The following USH1C variants were observed in gnomAD, a reference collection of about 807,000 sequenced individuals.
The protein encoded by USH1C is harmonin.
USH1C carries 90 observed loss-of-function variants against 119.3 expected under a neutral mutation model. The ratio of observed to expected loss-of-function variants is 0.75; its 90% CI spans 0.64 to 0.90. The LOEUF is 0.90. Ranked by LOEUF, USH1C falls within the 40% of genes least tolerant of loss-of-function variation. The probability of loss-of-function intolerance (pLI) is 0.00; values close to 1 mark genes in which losing one functional copy is unlikely to be tolerated. For missense variants in USH1C, 1,165 were observed against 1,167.7 expected, an observed-to-expected ratio of 1.00 and a Z score of 0.03; for synonymous variants, 465 against 443.3, an observed-to-expected ratio of 1.05 and a Z score of -0.62.
At chr11:17,535,628 T>G (rs953322314) in intron 1 of USH1C, among the ~76,000 whole-genome samples, 2 of 152,150 alleles carry the variant, frequency 1.3e-5, no homozygotes, top group African/African-American at 4.8e-5. Context: ...TGAATGAATT[T>G]ATCTGCCTGC....
In USH1C at chr11:17,493,975, G is replaced by A. The variant is rs561636317; in HGVS notation, c.*357C>T. 8.0e-6 allele frequency: 3 copies of A among 376,818 alleles called. No homozygotes were observed. Among genetic ancestry groups the A allele is most frequent in the East Asian group, 1.1e-4 (2 of 17,544 alleles). 23.3% of individuals were successfully genotyped at this position (376,818 alleles called of 1,614,324 possible). On this transcript the variant is annotated 3_prime_UTR_variant, in exon 27 of 27. Coordinates refer to ENST00000005226, the MANE Select transcript of USH1C (RefSeq NM_153676.4). ...CAATCCTGGCAGCAATTAGAGCAGAGGGCAGAGGAGAGGGATGGAGAGAGA... is the reference window on the plus strand; with the variant it reads ...CAATCCTGGCAGCAATTAGAGCAGAAGGCAGAGGAGAGGGATGGAGAGAGA...
chr11:17,513,281 C>T (rs957046329), intron 15 of USH1C, among the ~76,000 whole-genome samples: 2 of 152,158 alleles, frequency 1.3e-5, no homozygotes, highest in Admixed American at 6.5e-5. Flanking sequence ...GCAGAGACAG[C>T]CCACACCCTG....
intron 20 of USH1C, among the ~76,000 whole-genome samples, chr11:17,504,352 T>C (rs768529845): frequency 6.6e-6 from 1 of 152,098 alleles, no homozygotes. Flanking sequence ...CCTCTGAGGG[T>C]TCCTTCTGCC....
intron 1 of USH1C, among the ~76,000 whole-genome samples, chr11:17,539,557 CTAAGTGACAA>C (rs1851369099): frequency 6.6e-6 from 1 of 152,120 alleles, no homozygotes; most frequent in Non-Finnish European, 1.5e-5. Flanking sequence ...TTACATAAAA[CTAAGTGACAA>C]TAAGTGGACA....
In USH1C at chr11:17,521,387, C is replaced by G. The variant is rs769136040; in HGVS notation, c.1044G>C (p.Lys348Asn). ...ERQRRKEIAQKAAEENERYRK... is the reference protein window; with the variant it reads ...ERQRRKEIAQNAAEENERYRK... The stretch of plus-strand genomic sequence containing the variant: ...GGTATCTCTCATTTTCCTCTGCTGC[C>G]TTCTGGGCAATTTCTTTTCTCCTTC... Residue 348 changes from lysine (K) to asparagine (N), a missense_variant, in exon 13 of 27, where the codon AAG becomes AAC. Transcript: ENST00000005226. 2 of 1,614,162 alleles carry G rather than the reference C, an allele frequency of 1.2e-6. No individual in the cohort carries two copies. The highest frequency in any genetic ancestry group is 4.5e-5 in the East Asian group (2 of 44,886).
chr11:17,493,975 G>C lies in USH1C; in HGVS notation c.*357C>G, dbSNP rs561636317. The C allele has an allele frequency of 2.7e-6, 1 of 376,818 alleles. No homozygotes were observed. The highest frequency in any genetic ancestry group is 5.1e-6 in the Non-Finnish European group (1 of 197,874). The allele number at this position is 376,818 out of a possible 1,614,324, so 23.3% of individuals were successfully genotyped here. Reference sequence around the variant, plus strand: ...CAATCCTGGCAGCAATTAGAGCAGAGGGCAGAGGAGAGGGATGGAGAGAGA... The same window carrying C: ...CAATCCTGGCAGCAATTAGAGCAGACGGCAGAGGAGAGGGATGGAGAGAGA... On this transcript the variant is annotated 3_prime_UTR_variant, in exon 27 of 27. Coordinates refer to ENST00000005226, the MANE Select transcript of USH1C (RefSeq NM_153676.4).
intron 20 of USH1C, 93 bp from the exon 21 acceptor site, chr11:17,502,073 G>A (rs2133788920): frequency 1.3e-5 from 18 of 1,384,854 alleles, no homozygotes; most frequent in East Asian, 2.3e-5. Context: ...GAATCCAAGG[G>A]TCAGAAGTGA....
intron 8 of USH1C, among the ~76,000 whole-genome samples, chr11:17,525,129 C>A (rs1850605811): frequency 6.6e-6 from 1 of 151,908 alleles, no homozygotes; most frequent in Non-Finnish European, 1.5e-5. Context: ...GCAGAAGTCA[C>A]TCATTGATCA....
At chr11:17,495,099 G>A (rs1210985060) in intron 26 of USH1C, 1 of 246,604 alleles carries the variant, frequency 4.1e-6, no homozygotes, top group Non-Finnish European at 8.0e-6. Context: ...GGGCCATGGT[G>A]GAGCAAGAGC....
At chr11:17,522,987 A>C in intron 11 of USH1C, 61 bp from the exon 12 acceptor site, 1 of 1,596,386 alleles carries the variant, frequency 6.3e-7, no homozygotes, top group Non-Finnish European at 8.5e-7. Flanking sequence ...CCCCTGACAC[A>C]CCCCTGGGGG....
intron 24 of USH1C, among the ~76,000 whole-genome samples, 172 bp downstream of exon 24, chr11:17,497,990 A>T (rs1227886132): frequency 1.3e-5 from 2 of 152,208 alleles, no homozygotes; most frequent in Non-Finnish European, 2.9e-5. Flanking sequence ...TCTGAATCCC[A>T]TCTTGTCAGA....
rs201945610 is a variant in USH1C, at chr11:17,509,767, G to A, written c.1602C>T (p.Gly534=). Reference sequence around the variant, plus strand: ...GGTCAGTGGTGTGCAGGTGCAGTCCGCCTGCGAAGCGTCTCAAGGGTGGGG... The same window carrying A: ...GGTCAGTGGTGTGCAGGTGCAGTCCACCTGCGAAGCGTCTCAAGGGTGGGG... ...PLAPPLRRFA[G]GLHLHTTDLD... Residue 534 remains glycine (G), a synonymous_variant, in exon 18 of 27, where the codon GGC becomes GGT. Coordinates refer to ENST00000005226, the MANE Select transcript of USH1C (RefSeq NM_153676.4). The A allele has an allele frequency of 5.9e-5, 95 of 1,601,768 alleles. No homozygotes were observed. In the East Asian group the frequency reaches 8.5e-4, roughly 14 times the overall value.
chr11:17,537,064 C>T (rs926171682), intron 1 of USH1C, among the ~76,000 whole-genome samples: 4 of 152,212 alleles, frequency 2.6e-5, no homozygotes, highest in Admixed American at 2.6e-4. Flanking sequence ...ACTCTTCAGG[C>T]ATTAAAAGGC....
chr11:17,527,045 G>T lies in USH1C; in HGVS notation c.497-5C>A. On this transcript the variant is annotated splice_polypyrimidine_tract_variant and splice_region_variant and intron_variant, in intron 5 of 26. Coordinates refer to ENST00000005226, the MANE Select transcript of USH1C (RefSeq NM_153676.4). ...TCACGGGGATCAGGCCGATGTCTGC[G>T]GGAGAAAGGCACAGGGGTTAGGACA... The T allele has an allele frequency of 6.4e-7, 1 of 1,554,284 alleles. No homozygotes were observed.
At position 17,494,317 on chromosome 11, in the gene USH1C, G is replaced by A. The variant is rs767157591; in HGVS notation, c.*15C>T. The A allele has an allele frequency of 6.8e-6, 11 of 1,606,920 alleles. No homozygotes were observed. The South Asian group carries it at 7.8e-5, about 11-fold the overall frequency. Reference sequence around the variant, plus strand: ...GGCTTTGTGTTCACGAGGTGGGGCCGGAGCTCACTGTTTCCTAACGGTGAA... The same window carrying A: ...GGCTTTGTGTTCACGAGGTGGGGCCAGAGCTCACTGTTTCCTAACGGTGAA... On this transcript the variant is annotated 3_prime_UTR_variant, in exon 27 of 27. Transcript: ENST00000005226.
At chr11:17,541,660 C>G (rs1851471796) in intron 1 of USH1C, among the ~76,000 whole-genome samples, 1 of 152,252 alleles carries the variant, frequency 6.6e-6, no homozygotes, top group African/African-American at 2.4e-5. Flanking sequence ...CCCCCACATC[C>G]TGGCCCAAGG....
In USH1C at chr11:17,495,569, C is replaced by T. The variant is rs770103013; in HGVS notation, c.2655G>A (p.Thr885=). The change falls in exon 26 of 27, where the codon ACG becomes ACA. Residue 885 remains threonine (T), a splice_region_variant and synonymous_variant. Coordinates refer to ENST00000005226, the MANE Select transcript of USH1C (RefSeq NM_153676.4). ...CCCTGTGGCCCGCCTGCCTATTCAC[C>T]GTGGGCTCCAGCTGCAGGAGGAACC... The part of the protein sequence containing the change: ...RHGFLLQLEP[T]DLLLKSKRGN... 5.0e-6 allele frequency: 8 copies of T among 1,613,904 alleles called. No homozygotes were observed. The highest frequency in any genetic ancestry group is 1.7e-5 in the Admixed American group (1 of 60,006).
In USH1C at chr11:17,516,308, C is replaced by T. The variant is rs772193560; in HGVS notation, c.1211-18G>A. ...TCCAAAAGCTATAAGACACAGATAACAAAATGATGAGACACAGTTCAGCTC... is the reference window on the plus strand; with the variant it reads ...TCCAAAAGCTATAAGACACAGATAATAAAATGATGAGACACAGTTCAGCTC... On this transcript the variant is annotated intron_variant, in intron 14 of 26. Transcript: ENST00000005226. The T allele has an allele frequency of 1.9e-6, 3 of 1,611,146 alleles. No homozygotes were observed. Among genetic ancestry groups the T allele is most frequent in the South Asian group, 2.2e-5 (2 of 90,018 alleles).
intron 15 of USH1C, among the ~76,000 whole-genome samples, 168 bp downstream of exon 15, chr11:17,516,073 C>A (rs1850130658): frequency 1.3e-5 from 2 of 152,158 alleles, no homozygotes; most frequent in Admixed American, 6.5e-5. Flanking sequence ...GCAACAGCAC[C>A]CTGCCATTTG....
Sources: allele counts gnomAD v4.1 joint callset (sites outside exome capture counted in the v4.1 genomes callset), GRCh38; gene constraint gnomAD v4.1.1; transcripts MANE v1.5; gene names NCBI Gene and HGNC (gene_info 2026-07-23, HGNC 2026-07-21).